GNAL: variants seen among roughly 807,000 people sequenced by gnomAD.
GNAL encodes G protein subunit alpha L, also known as guanine nucleotide-binding protein G(olf) subunit alpha.
A neutral mutation model predicts 55.1 loss-of-function variants in GNAL; 18 were observed. The observed-to-expected ratio is 0.33, with a 90% CI of 0.23 to 0.48. The LOEUF (loss-of-function observed/expected upper bound fraction) is 0.48. Ranked by LOEUF, GNAL falls within the 20% of genes least tolerant of loss-of-function variation. The pLI is 0.99. For synonymous variants in GNAL, 253 were observed against 237.0 expected (o/e 1.07, Z -0.62); for missense variants, 412 against 614.1 (o/e 0.67, Z 3.48).
At chr18:11,864,672 A>C in intron 7 of GNAL, 66 bp downstream of exon 7, 1 of 886,610 alleles carries the variant, frequency 1.1e-6, no homozygotes, top group South Asian at 1.3e-5. Context: ...AAGGGCTGTG[A>C]GGTTTAAGGG....
Position 11,883,683 on chromosome 18 carries a change from T to G in GNAL, c.*2548T>G, listed in dbSNP as rs1328911218. 6.6e-6 allele frequency: 1 copy of G among 151,964 alleles called. No homozygotes were observed. The highest frequency in any genetic ancestry group is 1.5e-5 in the Non-Finnish European group (1 of 67,996). The allele number at this position is 151,964 out of a possible 1,614,324, so 9.4% of individuals were successfully genotyped here. ...AAAACAATATGTTCTGCACATCACA[T>G]CTGTACTTTTTTTTTTTTAAATATA... On this transcript the variant is annotated 3_prime_UTR_variant, in exon 12 of 12. Transcript: ENST00000334049.
At chr18:11,836,270 A>T (rs1157680210) in intron 5 of GNAL, among the ~76,000 whole-genome samples, 1 of 151,724 alleles carries the variant, frequency 6.6e-6, no homozygotes, top group African/African-American at 2.4e-5. Flanking sequence ...AACATAGAGA[A>T]ACCCTGTCTC....
rs372156744 is a variant in GNAL at position 11,743,060 on chromosome 18, A to G, written c.377-9793A>G. On this transcript the variant is annotated intron_variant, in intron 1 of 11. Transcript: ENST00000334049. ...GACACGAAATTGGACTCTACGAACC[A>G]TCTTCCCTTATGGTATATCCCCACT... Among the ~76,000 whole-genome samples, 12 of 152,314 alleles carry G rather than the reference A, an allele frequency of 7.9e-5. No individual in the cohort carries two copies. In the South Asian group the frequency reaches 2.5e-3, roughly 32 times the overall value.
intron 4 of GNAL, among the ~76,000 whole-genome samples, chr18:11,803,932 A>T (rs956956456): frequency 5.1e-4 from 77 of 149,808 alleles, no homozygotes; most frequent in Non-Finnish European, 5.9e-4. Context: ...ACACGGAGAT[A>T]CTATGTAGTG....
At chr18:11,855,700 C>A (rs529065897) in intron 5 of GNAL, among the ~76,000 whole-genome samples, 2 of 152,274 alleles carry the variant, frequency 1.3e-5, no homozygotes, top group East Asian at 3.9e-4. Flanking sequence ...GGGCCAGGTG[C>A]AGTGGCTCAC....
intron 4 of GNAL, among the ~76,000 whole-genome samples, chr18:11,779,812 C>T (rs1212843029): frequency 2.0e-5 from 3 of 152,216 alleles, no homozygotes; most frequent in Non-Finnish European, 4.4e-5. Flanking sequence ...GAGAGTCCAT[C>T]ATTTTCACTT....
chr18:11,772,671 T>C (rs2033669405), intron 4 of GNAL, among the ~76,000 whole-genome samples: 1 of 152,198 alleles, frequency 6.6e-6, no homozygotes, highest in Non-Finnish European at 1.5e-5. Flanking sequence ...TGTGCTGACC[T>C]GGAGGCAAAG....
At chr18:11,782,225 G>C (rs1355129397) in intron 4 of GNAL, among the ~76,000 whole-genome samples, 3 of 152,148 alleles carry the variant, frequency 2.0e-5, no homozygotes, top group Non-Finnish European at 4.4e-5. Flanking sequence ...GCTGAGGCAG[G>C]AGAATCACTT....
intron 1 of GNAL, among the ~76,000 whole-genome samples, chr18:11,696,499 C>T (rs1202123153): frequency 1.5e-5 from 2 of 131,760 alleles, no homozygotes; most frequent in Non-Finnish European, 1.5e-5. Flanking sequence ...AGCAAGACTC[C>T]GCCTCAAAAA....
At chr18:11,806,552 C>T (rs376504590) in intron 4 of GNAL, among the ~76,000 whole-genome samples, 1 of 152,066 alleles carries the variant, frequency 6.6e-6, no homozygotes, top group Non-Finnish European at 1.5e-5. Context: ...CTCTCAGGAA[C>T]AGTGAGTATT....
intron 5 of GNAL, among the ~76,000 whole-genome samples, chr18:11,841,644 C>CAAA (rs56295234): frequency 4.9e-5 from 6 of 122,706 alleles, no homozygotes; most frequent in Admixed American, 8.5e-5. Flanking sequence ...GGGTCTGTCT[C>CAAA]AAAAAAAAAA....
intron 1 of GNAL, among the ~76,000 whole-genome samples, chr18:11,718,422 G>A (rs2032023270): frequency 1.3e-5 from 2 of 152,080 alleles, no homozygotes; most frequent in South Asian, 4.1e-4. Context: ...TAGGGTCAGG[G>A]ATTTTACATT....
At chr18:11,742,347 A>T (rs532737038) in intron 1 of GNAL, among the ~76,000 whole-genome samples, 152 of 151,458 alleles carry the variant, frequency 1.0e-3, no homozygotes, top group African/African-American at 3.5e-3. Flanking sequence ...CTATTGAATG[A>T]TCGTCATAAT....
Position 11,883,159 on chromosome 18 carries a change from GAAA to G in GNAL, c.*2025_*2027del, listed in dbSNP as rs1214586491. Reference sequence around the variant, plus strand: ...GATTTAAATGCTACTTTTTCATGAAGAAAGGATAACTTTATAGACAGTCAGTGC... The same window carrying G: ...GATTTAAATGCTACTTTTTCATGAAGGGATAACTTTATAGACAGTCAGTGC... On this transcript the variant is annotated 3_prime_UTR_variant, in exon 12 of 12. Coordinates refer to ENST00000334049, the MANE Select transcript of GNAL (RefSeq NM_182978.4). 2 of 133,448 alleles carry G rather than the reference GAAA, an allele frequency of 1.5e-5. No individual in the cohort carries two copies. The highest frequency in any genetic ancestry group is 7.0e-5 in the African/African-American group (2 of 28,662). The allele number at this position is 133,448 out of a possible 1,614,324, so 8.3% of individuals were successfully genotyped here.
rs527829980 is a variant in GNAL at position 11,802,458 on chromosome 18, C to T, written c.625-22460C>T. Among the ~76,000 whole-genome samples, 3 of 152,294 alleles carry T rather than the reference C, an allele frequency of 2.0e-5. No individual in the cohort carries two copies. The South Asian group carries it at 6.2e-4, about 32-fold the overall frequency. On this transcript the variant is annotated intron_variant, in intron 4 of 11. Transcript: ENST00000334049. ...AGGCGTACTTCTTGATTTCGAAACA[C>T]ACTCATCACCATACTCTTGAGACCA...
At chr18:11,781,109 T>TA (rs1375690835) in intron 4 of GNAL, among the ~76,000 whole-genome samples, 1 of 152,258 alleles carries the variant, frequency 6.6e-6, no homozygotes, top group Non-Finnish European at 1.5e-5. Flanking sequence ...CAGTGTTTCT[T>TA]ACGGCTATTT....
chr18:11,767,373 T>TACACTTGC (rs1298585072), intron 4 of GNAL, among the ~76,000 whole-genome samples: 1 of 151,984 alleles, frequency 6.6e-6, no homozygotes, highest in African/African-American at 2.4e-5. Flanking sequence ...TGTGCACACT[T>TACACTTGC]ACACTTGCAC....
At position 11,752,448 on chromosome 18, in the gene GNAL, C is replaced by T; in HGVS notation, c.377-405C>T. On this transcript the variant is annotated intron_variant, in intron 1 of 11. Transcript: ENST00000334049. The surrounding 1 kb of genome is among the most constrained non-coding windows in gnomAD (Gnocchi z 4.5). ...AGCGGGCAGGCATGGGGTGTTTGGGCGGCAACAGCAAGACGACGGAAGACC... is the reference window on the plus strand; with the variant it reads ...AGCGGGCAGGCATGGGGTGTTTGGGTGGCAACAGCAAGACGACGGAAGACC... The T allele has an allele frequency of 3.1e-6, 5 of 1,611,094 alleles. No individual in the cohort carries two copies. Among genetic ancestry groups the T allele is most frequent in the Non-Finnish European group, 3.4e-6 (4 of 1,178,828 alleles).
At chr18:11,698,869 G>T (rs1214837411) in intron 1 of GNAL, among the ~76,000 whole-genome samples, 1 of 152,190 alleles carries the variant, frequency 6.6e-6, no homozygotes, top group East Asian at 1.9e-4. Context: ...TGTTGACAGT[G>T]TCAGACTAAT....
Sources: allele counts gnomAD v4.1 joint callset (sites outside exome capture counted in the v4.1 genomes callset), GRCh38; gene constraint gnomAD v4.1.1; non-coding constraint Gnocchi (gnomAD v3.1); transcripts MANE v1.5; gene names NCBI Gene and HGNC (gene_info 2026-07-23, HGNC 2026-07-21).